MYOM1: variants seen among roughly 807,000 people sequenced by gnomAD.
MYOM1 encodes myomesin-1.
Under a neutral mutation model 205.3 loss-of-function variants are expected in MYOM1, and 164 were observed. The ratio of observed to expected loss-of-function variants is 0.80; its 90% confidence interval spans 0.70 to 0.91. The LOEUF (loss-of-function observed/expected upper bound fraction) is 0.91. MYOM1 is among the 40% of genes least tolerant of loss of function. The probability of loss-of-function intolerance (pLI) is 0.00; values close to 1 mark genes in which losing one functional copy is unlikely to be tolerated. For synonymous variants in MYOM1, 772 were observed against 789.4 expected (o/e 0.98, Z 0.37); for missense variants, 2,011 against 2,127.3 (o/e 0.95, Z 1.08).
At chr18:3,231,198 A>G in the MYOM1 span, among the ~76,000 whole-genome samples, 35 of 152,206 alleles carry the variant, frequency 2.3e-4, no homozygotes, top group African/African-American at 8.2e-4. Flanking sequence ...AGCCAATCAC[A>G]CTCCTCCCGT....
chr18:3,120,688 G>A (rs1410003845), intron 19 of MYOM1, among the ~76,000 whole-genome samples: 1 of 152,138 alleles, frequency 6.6e-6, no homozygotes, highest in African/African-American at 2.4e-5. Flanking sequence ...AATTTGCTAT[G>A]TAGCAATAGA....
At chr18:3,102,276 T>A (rs2079389409) in intron 23 of MYOM1, among the ~76,000 whole-genome samples, 198 bp downstream of exon 23, 1 of 152,066 alleles carries the variant, frequency 6.6e-6, no homozygotes, top group Admixed American at 6.6e-5. Flanking sequence ...AGTGCTGGGA[T>A]TAGAGGTGTG....
intron 2 of MYOM1, among the ~76,000 whole-genome samples, chr18:3,214,007 T>C (rs1232092973): frequency 6.6e-6 from 1 of 152,216 alleles, no homozygotes; most frequent in Non-Finnish European, 1.5e-5. Context: ...GTCTCCTTCA[T>C]TGCATTGGGT....
Position 3,151,716 on chromosome 18 carries a change from CG to C in MYOM1, c.1820del (p.Pro607ArgfsTer80). 1 of 1,613,404 alleles carries C rather than the reference CG, an allele frequency of 6.2e-7. No individual in the cohort carries two copies. The highest frequency in any genetic ancestry group is 8.5e-7 in the Non-Finnish European group (1 of 1,179,520). The part of the protein sequence containing the change: ...RVSEPVAALD[P>X]AEKARLKSRP... ...TACTTTTAAGTCTAGCTTTCTCAGCCGGATCCAGAGCAGCCACGGGCTCGGA... is the reference window on the plus strand; with the variant it reads ...TACTTTTAAGTCTAGCTTTCTCAGCCGATCCAGAGCAGCCACGGGCTCGGA... On this transcript the variant is annotated frameshift_variant, in exon 12 of 38. Transcript: ENST00000356443. LOFTEE classifies it high-confidence loss of function.
chr18:3,197,813 C>T (rs1211113065), intron 2 of MYOM1, among the ~76,000 whole-genome samples: 2 of 152,028 alleles, frequency 1.3e-5, no homozygotes, highest in African/African-American at 4.8e-5. Flanking sequence ...GCAGAGCTTG[C>T]AGTGAGCCGA....
intron 21 of MYOM1, among the ~76,000 whole-genome samples, chr18:3,113,030 G>A (rs571519840): frequency 2.0e-5 from 3 of 152,164 alleles, no homozygotes; most frequent in African/African-American, 7.2e-5. Context: ...TAACCAAAGT[G>A]TATTAAAATT....
chr18:3,155,434 C>T (rs548734848), intron 10 of MYOM1, among the ~76,000 whole-genome samples: 35 of 152,298 alleles, frequency 2.3e-4, no homozygotes, highest in South Asian at 1.0e-3. Flanking sequence ...CCGTGTTAGC[C>T]AGGATGGTCT....
At position 3,094,257 on chromosome 18, in the gene MYOM1, CT is replaced by C; in HGVS notation, c.3776del (p.Gln1259ArgfsTer106). 6.2e-7 allele frequency: 1 copy of C among 1,613,876 alleles called. No homozygotes were observed. Among genetic ancestry groups the C allele is most frequent in the Non-Finnish European group, 8.5e-7 (1 of 1,179,838 alleles). ...TCTCAGCCTGCATCCAAAACCGGACCTGGCCTTTCTCCAAAATTTCAACTGC... is the reference window on the plus strand; with the variant it reads ...TCTCAGCCTGCATCCAAAACCGGACCGGCCTTTCTCCAAAATTTCAACTGC... Reference protein sequence around the residue: ...ELAVEILEKGQVRFWMQAEKL... With the variant: ...ELAVEILEKGXVRFWMQAEKL... On this transcript the variant is annotated frameshift_variant, in exon 26 of 38. Transcript: ENST00000356443. LOFTEE classifies it high-confidence loss of function.
At chr18:3,197,822 G>A (rs568802579) in intron 2 of MYOM1, among the ~76,000 whole-genome samples, 22 of 152,176 alleles carry the variant, frequency 1.4e-4, no homozygotes, top group African/African-American at 3.6e-4. Flanking sequence ...GCAGTGAGCC[G>A]AGATCGCACC....
chr18:3,217,772 C>T (rs2081287615), intron 1 of MYOM1, among the ~76,000 whole-genome samples: 1 of 152,062 alleles, frequency 6.6e-6, no homozygotes, highest in Non-Finnish European at 1.5e-5. Context: ...TTCCTGAGCC[C>T]AGGAGTTTGA....
At chr18:3,181,733 T>TA (rs1491175524) in intron 5 of MYOM1, among the ~76,000 whole-genome samples, 1 of 1,052 alleles carries the variant, frequency 9.5e-4, no homozygotes, top group Non-Finnish European at 4.1e-3. Flanking sequence ...AACTGAATAA[T>TA]TTTTTTTTTT....
At chr18:3,100,628 G>C (rs528061964) in intron 23 of MYOM1, among the ~76,000 whole-genome samples, 1 of 152,126 alleles carries the variant, frequency 6.6e-6, no homozygotes, top group Non-Finnish European at 1.5e-5. Flanking sequence ...CTCCTTCCAG[G>C]GGGTGATGGT....
In MYOM1 at chr18:3,131,468, G is replaced by T. The variant is rs749913396; in HGVS notation, c.2413C>A (p.Gln805Lys). The change falls in exon 17 of 38, where the codon CAG becomes AAG. Residue 805 changes from glutamine to lysine, a missense_variant. Gln to Lys is a moderately conservative substitution (Grantham distance 53, BLOSUM62 1). Coordinates refer to ENST00000356443, the MANE Select transcript of MYOM1 (RefSeq NM_003803.4). ...GCTCTGACCCGGAAAATATAACTCT[G>T]ACCAGTCACTAATCCATGACAAGTG... ...RFTCHGLVTG[Q>K]SYIFRVRAVN... 1.2e-6 allele frequency: 2 copies of T among 1,613,258 alleles called. No homozygotes were observed. Among genetic ancestry groups the T allele is most frequent in the Admixed American group, 3.3e-5 (2 of 59,924 alleles).
In MYOM1 at chr18:3,105,635, A is replaced by C. The variant is rs563931702; in HGVS notation, c.3419-3005T>G. 3.3e-5 allele frequency among the ~76,000 whole-genome samples: 5 copies of C among 152,262 alleles called. No individual in the cohort carries two copies. The East Asian group carries it at 9.6e-4, about 29-fold the overall frequency. ...TTTAGGAGGCCGTGGCAGGGGGATC[A>C]CTTGAGGCCAGGAGTTCAAAACCAG... On this transcript the variant is annotated intron_variant, in intron 22 of 37. Coordinates refer to ENST00000356443, the MANE Select transcript of MYOM1 (RefSeq NM_003803.4).
the MYOM1 span, among the ~76,000 whole-genome samples, chr18:3,231,125 AGGTGATG>A: frequency 6.6e-6 from 1 of 152,186 alleles, no homozygotes; most frequent in South Asian, 2.1e-4. Context: ...TTTTGATCCC[AGGTGATG>A]GGTCATTTCT....
intron 16 of MYOM1, among the ~76,000 whole-genome samples, 165 bp from the exon 17 acceptor site, chr18:3,131,661 T>C (rs540888916): frequency 2.6e-5 from 4 of 152,212 alleles, no homozygotes; most frequent in Admixed American, 1.3e-4. Context: ...AGGCTAGTCT[T>C]GAACTCCTGG....
intron 14 of MYOM1, among the ~76,000 whole-genome samples, chr18:3,137,136 G>T (rs1293420334): frequency 6.6e-6 from 1 of 151,930 alleles, no homozygotes; most frequent in Non-Finnish European, 1.5e-5. Flanking sequence ...ATTTTTAGTA[G>T]AGGGGGGTTT....
intron 2 of MYOM1, among the ~76,000 whole-genome samples, chr18:3,197,887 A>C (rs187467524): frequency 6.6e-6 from 1 of 151,914 alleles, no homozygotes; most frequent in African/African-American, 2.4e-5. Context: ...AAGAAAAAGA[A>C]AAAGAAAAAG....
chr18:3,115,971 T>C (rs923852374), intron 21 of MYOM1, among the ~76,000 whole-genome samples: 1 of 151,050 alleles, frequency 6.6e-6, no homozygotes, highest in African/African-American at 2.4e-5. Flanking sequence ...AAATCAACCA[T>C]CCCCCTAGAA....
Sources: gnomAD v4.1 joint callset for allele counts (sites outside exome capture counted in the v4.1 genomes callset) on GRCh38, gnomAD v4.1.1 for gene constraint, MANE v1.5 for transcripts, NCBI Gene and HGNC (gene_info 2026-07-23, HGNC 2026-07-21) for gene names.